The following CAMK2B variants were observed in gnomAD, a reference collection of about 807,000 sequenced individuals.
The protein encoded by CAMK2B is calcium/calmodulin dependent protein kinase II beta.
Under a neutral mutation model 93.7 loss-of-function variants are expected in CAMK2B, and 27 were observed. The observed-to-expected ratio is 0.29, with a 90% CI of 0.21 to 0.40. The LOEUF is 0.40. CAMK2B is among the 10% of genes least tolerant of loss of function. The probability of loss-of-function intolerance (pLI) is 1.00; values close to 1 mark genes in which losing one functional copy is unlikely to be tolerated. For missense variants in CAMK2B, 568 were observed against 895.8 expected (o/e 0.63, Z 4.67); for synonymous variants, 374 against 358.8 (o/e 1.04, Z -0.48).
intron 11 of CAMK2B, 141 bp from the exon 12 acceptor site, chr7:44,240,890 G>A (rs2096671655): frequency 9.7e-6 from 8 of 827,350 alleles, no homozygotes; most frequent in East Asian, 2.7e-5. Context: ...CTTCCAGAGA[G>A]GCAAGAGCTC....
rs569020609 is a variant in CAMK2B, at chr7:44,287,006, G to A, written c.66-2781C>T. On this transcript the variant is annotated intron_variant, in intron 1 of 23. Transcript: ENST00000395749. ...AGGGCCCGGGGGTGAAGAAGGCCCT[G>A]CTCTTGGACACAGGCCTGCAGGTAG... is the stretch of plus-strand genomic sequence containing the variant. Among the ~76,000 whole-genome samples the A allele has an allele frequency of 2.6e-5, 4 of 152,156 alleles. No homozygotes were observed. The South Asian group carries it at 6.2e-4, about 24-fold the overall frequency.
At chr7:44,276,157 A>T (rs1584496222) in intron 2 of CAMK2B, among the ~76,000 whole-genome samples, 1 of 112,590 alleles carries the variant, frequency 8.9e-6, no homozygotes, top group Non-Finnish European at 1.8e-5. Flanking sequence ...AGAGGAGGGC[A>T]GGGCCCCTGA....
At chr7:44,321,539 G>C (rs1213460375) in intron 1 of CAMK2B, among the ~76,000 whole-genome samples, 1 of 152,142 alleles carries the variant, frequency 6.6e-6, no homozygotes, top group Non-Finnish European at 1.5e-5. Flanking sequence ...AAATGGGGCT[G>C]GGGAGAAGGG....
chr7:44,219,316 T>C lies in CAMK2B; in HGVS notation c.*209A>G, dbSNP rs1272799788. 6.8e-6 allele frequency: 1 copy of C among 146,194 alleles called. No individual in the cohort carries two copies. The highest frequency in any genetic ancestry group is 1.5e-5 in the Non-Finnish European group (1 of 66,382). 9.1% of individuals were successfully genotyped at this position (146,194 alleles called of 1,614,324 possible). A position where few individuals can be genotyped will look rare whatever the true frequency, so the allele number is the denominator to read the frequency against. On this transcript the variant is annotated 3_prime_UTR_variant, in exon 24 of 24. Coordinates refer to ENST00000395749, the MANE Select transcript of CAMK2B (RefSeq NM_001220.5). ...TTTTTTTCATTTCATCTGATGTCAA[T>C]TTTTTTTGTGGTTGTCGTCGTCATC...
rs116183528 is a variant in CAMK2B at position 44,323,101 on chromosome 7, C to T, written c.65+2256G>A. ...AGCTCCCTGGCCCACCTCTATGGCA[C>T]GGCTGCACCCCCGAGGAATCGGTCC... On this transcript the variant is annotated intron_variant, in intron 1 of 23. Transcript: ENST00000395749. 5.9e-3 allele frequency among the ~76,000 whole-genome samples: 896 copies of T among 152,340 alleles called. 3 individuals are homozygous for T. Among genetic ancestry groups the T allele is most frequent in the African/African-American group, 0.02 (827 of 41,592 alleles).
chr7:44,229,336 G>T, intron 18 of CAMK2B, 52 bp downstream of exon 18: 1 of 1,299,386 alleles, frequency 7.7e-7, no homozygotes, highest in East Asian at 2.6e-5. Flanking sequence ...CCTCTAGGGG[G>T]TTGCCAGCCC....
chr7:44,249,618 C>A (rs2128995027), intron 5 of CAMK2B, among the ~76,000 whole-genome samples: 1 of 152,294 alleles, frequency 6.6e-6, no homozygotes, highest in Admixed American at 6.5e-5. Flanking sequence ...TTTCCTCTGC[C>A]CTTGGGCACT....
At chr7:44,252,124 C>A (rs116234361) in intron 5 of CAMK2B, among the ~76,000 whole-genome samples, 3,367 of 152,128 alleles carry the variant, frequency 0.022, 122 homozygotes, top group Middle Eastern at 0.075. Flanking sequence ...CAAGGCCGCG[C>A]CTGTGGATTG....
rs754627779 is a variant in CAMK2B, at chr7:44,220,238, C to T, written c.1825G>A (p.Val609Ile). 4.4e-5 allele frequency: 71 copies of T among 1,613,212 alleles called. No individual in the cohort carries two copies. The highest frequency in any genetic ancestry group is 1.0e-4 in the Admixed American group (6 of 59,996). ...HTTILNPHVH[V>I]IGEDAACIAY... ...ATGCAGGCGGCATCCTCTCCAATGACGTGCACGTGTGGGTTCAGGATGGTC... is the reference window on the plus strand; with the variant it reads ...ATGCAGGCGGCATCCTCTCCAATGATGTGCACGTGTGGGTTCAGGATGGTC... The change falls in exon 23 of 24, where the codon GTC becomes ATC. Residue 609 changes from valine to isoleucine, a missense_variant. By Grantham distance (29) the Val-to-Ile change is conservative (BLOSUM62 3). Transcript: ENST00000395749.
At chr7:44,306,697 T>A (rs1791616681) in intron 1 of CAMK2B, among the ~76,000 whole-genome samples, 1 of 149,668 alleles carries the variant, frequency 6.7e-6, no homozygotes, top group Admixed American at 6.7e-5. Flanking sequence ...TCACTCAATC[T>A]GGCCATGCTG....
intron 1 of CAMK2B, among the ~76,000 whole-genome samples, chr7:44,302,904 C>T (rs1388749269): frequency 1.3e-5 from 2 of 151,974 alleles, no homozygotes; most frequent in East Asian, 3.9e-4. Context: ...GAAGTCCTAG[C>T]TAACATAATA....
Position 44,312,135 on chromosome 7 carries a change from A to T in CAMK2B, c.65+13222T>A, listed in dbSNP as rs1019812392. Among the ~76,000 whole-genome samples, 26 of 152,328 alleles carry T rather than the reference A, an allele frequency of 1.7e-4. No individual in the cohort carries two copies. Among genetic ancestry groups the T allele is most frequent in the Non-Finnish European group, 3.4e-4 (23 of 68,026 alleles). On this transcript the variant is annotated intron_variant, in intron 1 of 23. Transcript: ENST00000395749. This position sits in a 1 kb window ranked among gnomAD's most constrained non-coding sequence, Gnocchi z 4.1. ...AGGGCAGTGAGGCCACAGAAACAGC[A>T]CTGGAGTCACAGGGAGGCTGTGCTC...
chr7:44,243,537 G>A lies in CAMK2B; in HGVS notation c.415-10C>T. On this transcript the variant is annotated splice_polypyrimidine_tract_variant and intron_variant, in intron 6 of 23. Coordinates refer to ENST00000395749, the MANE Select transcript of CAMK2B (RefSeq NM_001220.5). ...GAAGCAGGTTCTCCGGCTGCAGGGA[G>A]GTGACCGGCACAAGGGTGCATGTTG... 1 of 1,611,438 alleles carries A rather than the reference G, an allele frequency of 6.2e-7. No individual in the cohort carries two copies. The highest frequency in any genetic ancestry group is 8.5e-7 in the Non-Finnish European group (1 of 1,177,852).
In CAMK2B at chr7:44,286,960, G is replaced by C. The variant is rs2129120923; in HGVS notation, c.66-2735C>G. ...CAGACACTCAGCAGGAAGGGACCAGGGGTGCAGGGACCAGGGGTGCAGGGC... is the reference window on the plus strand; with the variant it reads ...CAGACACTCAGCAGGAAGGGACCAGCGGTGCAGGGACCAGGGGTGCAGGGC... On this transcript the variant is annotated intron_variant, in intron 1 of 23. Coordinates refer to ENST00000395749, the MANE Select transcript of CAMK2B (RefSeq NM_001220.5). This position sits in a 1 kb window ranked among gnomAD's most constrained non-coding sequence, Gnocchi z 4.0. 6.6e-6 allele frequency among the ~76,000 whole-genome samples: 1 copy of C among 152,266 alleles called. No individual in the cohort carries two copies.
intron 1 of CAMK2B, among the ~76,000 whole-genome samples, chr7:44,308,604 G>A (rs1390611412): frequency 2.0e-5 from 3 of 152,186 alleles, no homozygotes; most frequent in African/African-American, 7.2e-5. Context: ...CACCCGGAGG[G>A]CAGGACAAGG....
In CAMK2B at chr7:44,311,562, C is replaced by T. The variant is rs1176504360; in HGVS notation, c.65+13795G>A. ...GATTGTTGTGCCCCAGCATGTGCCC[C>T]TGAGGCTGGCCCCGGGTGCTTGCAA... is the stretch of plus-strand genomic sequence containing the variant. On this transcript the variant is annotated intron_variant, in intron 1 of 23. Coordinates refer to ENST00000395749, the MANE Select transcript of CAMK2B (RefSeq NM_001220.5). This position sits in a 1 kb window ranked among gnomAD's most constrained non-coding sequence, Gnocchi z 4.2. Among the ~76,000 whole-genome samples the T allele has an allele frequency of 1.3e-5, 2 of 152,346 alleles. No individual in the cohort carries two copies. Among genetic ancestry groups the T allele is most frequent in the East Asian group, 3.9e-4 (2 of 5,174 alleles).
chr7:44,246,963 C>A (rs1194761153), intron 6 of CAMK2B, among the ~76,000 whole-genome samples, 157 bp downstream of exon 6: 1 of 151,910 alleles, frequency 6.6e-6, no homozygotes, highest in Non-Finnish European at 1.5e-5. Flanking sequence ...TGCATGCACA[C>A]ACTCCTCCAT....
At chr7:44,269,850 C>G (rs1053096671) in intron 2 of CAMK2B, among the ~76,000 whole-genome samples, 1 of 152,098 alleles carries the variant, frequency 6.6e-6, no homozygotes, top group Non-Finnish European at 1.5e-5. Flanking sequence ...CTGGGGCCAC[C>G]TGGGACCACT....
intron 4 of CAMK2B, among the ~76,000 whole-genome samples, chr7:44,255,048 CT>C (rs2096822842): frequency 1.3e-5 from 2 of 151,982 alleles, no homozygotes; most frequent in African/African-American, 4.8e-5. Flanking sequence ...CTGAGAAGAT[CT>C]GGTTTCCCCT....
Sources: allele counts gnomAD v4.1 joint callset (sites outside exome capture counted in the v4.1 genomes callset), GRCh38; gene constraint gnomAD v4.1.1; non-coding constraint Gnocchi (gnomAD v3.1); transcripts MANE v1.5; gene names NCBI Gene and HGNC (gene_info 2026-07-23, HGNC 2026-07-21).